Variants in EPB41L4B observed in about 807,000 individuals in gnomAD.
EPB41L4B encodes the protein band 4.1-like protein 4B.
A neutral mutation model predicts 112.5 loss-of-function variants in EPB41L4B; 30 were observed. The ratio of observed to expected loss-of-function variants is 0.27; its 90% CI spans 0.20 to 0.36. EPB41L4B has a LOEUF of 0.36. Among genes scored for constraint, EPB41L4B ranks in the 10% least tolerant of loss-of-function variants. The probability of loss-of-function intolerance (pLI) is 1.00; values close to 1 mark genes in which losing one functional copy is unlikely to be tolerated. For synonymous variants in EPB41L4B, 408 were observed against 439.7 expected, an observed-to-expected ratio of 0.93 and a Z score of 0.90; for missense variants, 1,024 against 1,133.3, an observed-to-expected ratio of 0.90 and a Z score of 1.38.
intron 1 of EPB41L4B, among the ~76,000 whole-genome samples, chr9:109,308,255 A>T (rs1837290607): frequency 6.6e-6 from 1 of 152,076 alleles, no homozygotes; most frequent in Non-Finnish European, 1.5e-5. Context: ...GACATTCAAC[A>T]GCTGATCTCC....
At chr9:109,315,945 T>G (rs1238595827) in intron 1 of EPB41L4B, among the ~76,000 whole-genome samples, 20 of 152,092 alleles carry the variant, frequency 1.3e-4, no homozygotes, top group Non-Finnish European at 4.4e-5. Flanking sequence ...TTTTTTTTAA[T>G]GTCTATTACT....
At chr9:109,208,623 T>C (rs1014014526) in intron 17 of EPB41L4B, among the ~76,000 whole-genome samples, 6 of 152,252 alleles carry the variant, frequency 3.9e-5, no homozygotes, top group Non-Finnish European at 7.3e-5. Flanking sequence ...CTATAATTCA[T>C]GTGATCCAGT....
chr9:109,233,910 A>T (rs552042349), intron 15 of EPB41L4B, among the ~76,000 whole-genome samples: 1 of 152,232 alleles, frequency 6.6e-6, no homozygotes, highest in Non-Finnish European at 1.5e-5. Context: ...TATAAATGCT[A>T]AGATGACATG....
At chr9:109,237,538 C>T (rs987649544) in intron 15 of EPB41L4B, among the ~76,000 whole-genome samples, 3 of 152,082 alleles carry the variant, frequency 2.0e-5, no homozygotes, top group Non-Finnish European at 2.9e-5. Context: ...TAGAGTGGAC[C>T]GTCTCAAATA....
chr9:109,212,330 CA>C (rs549669890), intron 17 of EPB41L4B, among the ~76,000 whole-genome samples: 11 of 152,260 alleles, frequency 7.2e-5, no homozygotes, highest in African/African-American at 1.4e-4. Flanking sequence ...GAAGACCAAT[CA>C]GGGGGCACAC....
At chr9:109,314,013 G>C (rs1837528104) in intron 1 of EPB41L4B, among the ~76,000 whole-genome samples, 1 of 152,210 alleles carries the variant, frequency 6.6e-6, no homozygotes, top group Non-Finnish European at 1.5e-5. Context: ...TTGTAAACGA[G>C]AAATGAAAGG....
At chr9:109,250,629 C>G (rs949379284) in intron 13 of EPB41L4B, among the ~76,000 whole-genome samples, 11 of 152,190 alleles carry the variant, frequency 7.2e-5, no homozygotes, top group Non-Finnish European at 1.6e-4. Context: ...GCCGGGCAGA[C>G]TCACCTGGGC....
chr9:109,186,124 T>G (rs553090688), intron 22 of EPB41L4B, among the ~76,000 whole-genome samples: 6 of 152,194 alleles, frequency 3.9e-5, no homozygotes, highest in African/African-American at 1.2e-4. Flanking sequence ...CACTGTGGTA[T>G]GTCAGTGAGT....
intron 17 of EPB41L4B, among the ~76,000 whole-genome samples, chr9:109,209,825 A>G (rs1359754785): frequency 6.6e-6 from 1 of 152,198 alleles, no homozygotes; most frequent in African/African-American, 2.4e-5. Flanking sequence ...GTTTATAGAT[A>G]CAAAAAACAA....
intron 15 of EPB41L4B, among the ~76,000 whole-genome samples, chr9:109,220,352 G>T (rs536650916): frequency 1.5e-4 from 23 of 152,180 alleles, no homozygotes; most frequent in Non-Finnish European, 3.2e-4. Flanking sequence ...GTTATGAAGG[G>T]CTTAGAGTGC....
At chr9:109,213,866 A>G (rs1162113527) in intron 16 of EPB41L4B, 48 bp from the exon 17 acceptor site, 3 of 1,552,566 alleles carry the variant, frequency 1.9e-6, no homozygotes, top group Non-Finnish European at 2.7e-6. Context: ...GAAAGGACAG[A>G]TAGATACAGG....
At chr9:109,218,713 T>A (rs1409026683) in intron 15 of EPB41L4B, among the ~76,000 whole-genome samples, 4 of 151,986 alleles carry the variant, frequency 2.6e-5, no homozygotes, top group African/African-American at 4.8e-5. Context: ...CCCATCCCGA[T>A]GCCTCTTACT....
At chr9:109,292,513 C>T (rs567625571) in intron 1 of EPB41L4B, among the ~76,000 whole-genome samples, 2 of 152,316 alleles carry the variant, frequency 1.3e-5, no homozygotes, top group East Asian at 3.9e-4. Context: ...ATTCAAATCC[C>T]TCATGAATGG....
chr9:109,246,536 GAA>G (rs1476097875), intron 14 of EPB41L4B, among the ~76,000 whole-genome samples: 1 of 152,238 alleles, frequency 6.6e-6, no homozygotes, highest in African/African-American at 2.4e-5. Flanking sequence ...CACGGGCAAA[GAA>G]TGGTGGGAAG....
intron 2 of EPB41L4B, among the ~76,000 whole-genome samples, chr9:109,274,185 C>T (rs1475280429): frequency 6.6e-6 from 1 of 152,100 alleles, no homozygotes; most frequent in Non-Finnish European, 1.5e-5. Context: ...GCAAAATGTA[C>T]CATCAGAAAA....
At chr9:109,245,387 ACTTC>A (rs2118980821) in intron 14 of EPB41L4B, among the ~76,000 whole-genome samples, 1 of 152,266 alleles carries the variant, frequency 6.6e-6, no homozygotes, top group African/African-American at 2.4e-5. Context: ...GATTTTGGAA[ACTTC>A]CTTGGTCTCC....
intron 15 of EPB41L4B, among the ~76,000 whole-genome samples, chr9:109,218,499 T>A (rs1283283759): frequency 1.3e-5 from 2 of 152,126 alleles, no homozygotes; most frequent in African/African-American, 4.8e-5. Context: ...GAACCTTCCC[T>A]GTACCAACAA....
intron 2 of EPB41L4B, among the ~76,000 whole-genome samples, chr9:109,269,147 A>AT (rs1164873341): frequency 6.6e-6 from 1 of 152,156 alleles, no homozygotes; most frequent in African/African-American, 2.4e-5. Flanking sequence ...ATAATCTCTC[A>AT]TTATGCACTG....
intron 14 of EPB41L4B, 94 bp from the exon 15 acceptor site, chr9:109,243,776 CT>C: frequency 1.6e-6 from 2 of 1,246,018 alleles, no homozygotes; most frequent in Non-Finnish European, 2.3e-6. Flanking sequence ...ACCCGAGGGG[CT>C]GGGGGACTAA....
Sources: allele counts gnomAD v4.1 joint callset (sites outside exome capture counted in the v4.1 genomes callset), GRCh38; gene constraint gnomAD v4.1.1; transcripts MANE v1.5; gene names NCBI Gene and HGNC (gene_info 2026-07-23, HGNC 2026-07-21).